TSNARE1: variants seen among roughly 807,000 people sequenced by gnomAD.
TSNARE1 encodes t-SNARE domain-containing protein 1.
Under a neutral mutation model 62.0 loss-of-function variants are expected in TSNARE1, and 49 were observed. The ratio of observed to expected loss-of-function variants is 0.79; its 90% confidence interval spans 0.63 to 1.00. TSNARE1 has a LOEUF of 1.00. TSNARE1 is among the 50% of genes least tolerant of loss of function. The pLI is 0.00. For synonymous variants in TSNARE1, 328 were observed against 294.4 expected (o/e 1.11, Z -1.17); for missense variants, 755 against 700.1 (o/e 1.08, Z -0.88).
At chr8:142,246,884 G>A (rs1193109228) in intron 12 of TSNARE1, among the ~76,000 whole-genome samples, 1 of 152,230 alleles carries the variant, frequency 6.6e-6, no homozygotes, top group Non-Finnish European at 1.5e-5. Context: ...AATGTGCGAG[G>A]CAGCGATGAG....
At chr8:142,276,374 C>A (rs1563807111) in intron 11 of TSNARE1, 1 of 985,462 alleles carries the variant, frequency 1.0e-6, no homozygotes, top group Non-Finnish European at 1.2e-6. Context: ...CGGATCCCCC[C>A]ACAATTGCCA....
intron 9 of TSNARE1, among the ~76,000 whole-genome samples, chr8:142,304,945 T>C (rs1031044853): frequency 2.6e-5 from 4 of 152,158 alleles, no homozygotes; most frequent in African/African-American, 9.7e-5. Flanking sequence ...TCCCGTGGCC[T>C]GGGTAAAGTC....
intron 11 of TSNARE1, among the ~76,000 whole-genome samples, chr8:142,282,667 T>C (rs1332383149): frequency 4.7e-4 from 52 of 109,944 alleles, no homozygotes; most frequent in African/African-American, 1.6e-3. Context: ...TGAGCGGAGG[T>C]GGGGCCACTG....
chr8:142,285,318 A>AGGTGGATGGATGGATGGGTG (rs1822524719), intron 10 of TSNARE1, among the ~76,000 whole-genome samples: 1 of 128,594 alleles, frequency 7.8e-6, no homozygotes, highest in Non-Finnish European at 1.6e-5. Context: ...ATGGATGGGT[A>AGGTGGATGGATGGATGGGTG]GGTGGATAGG....
At chr8:142,335,330 T>G (rs1831604851) in intron 4 of TSNARE1, among the ~76,000 whole-genome samples, 1 of 150,586 alleles carries the variant, frequency 6.6e-6, no homozygotes, top group Non-Finnish European at 1.5e-5. Context: ...GTCAACAAGG[T>G]GGGGTCACCA....
chr8:142,325,862 G>A (rs1021521941), intron 6 of TSNARE1, among the ~76,000 whole-genome samples: 7 of 151,890 alleles, frequency 4.6e-5, no homozygotes, highest in Non-Finnish European at 7.4e-5. Context: ...CAGCACCAGT[G>A]AAGGGGAGGG....
rs538905613 is a variant in TSNARE1, at chr8:142,301,012, G to A, written c.1132-368C>T. ...CCCTCCAGGTGCACACGTTCATACCGAACTGAAAACGCGACAACAGCGGTG... is the reference window on the plus strand; with the variant it reads ...CCCTCCAGGTGCACACGTTCATACCAAACTGAAAACGCGACAACAGCGGTG... On this transcript the variant is annotated intron_variant, in intron 9 of 13. Coordinates refer to ENST00000524325, the MANE Select transcript of TSNARE1 (RefSeq NM_145003.5). 3.4e-4 allele frequency among the ~76,000 whole-genome samples: 28 copies of A among 82,084 alleles called. 1 individual carries two copies. The highest frequency in any genetic ancestry group is 1.4e-3 in the African/African-American group (27 of 19,300). 53.9% of individuals were successfully genotyped at this position (82,084 alleles called of 152,430 possible).
At chr8:142,298,267 C>G (rs544407894) in intron 10 of TSNARE1, among the ~76,000 whole-genome samples, 1 of 152,242 alleles carries the variant, frequency 6.6e-6, no homozygotes, top group Non-Finnish European at 1.5e-5. Flanking sequence ...TGGGAAAGGC[C>G]GCTGCTCAGC....
chr8:142,329,703 G>A (rs72687388), intron 6 of TSNARE1, among the ~76,000 whole-genome samples: 31,111 of 152,210 alleles, frequency 0.2, 3,505 homozygotes, highest in South Asian at 0.31. Context: ...GCAAATACGC[G>A]TGGGTGTGAG....
intron 2 of TSNARE1, among the ~76,000 whole-genome samples, chr8:142,353,455 G>A (rs1834363870): frequency 6.6e-6 from 1 of 152,216 alleles, no homozygotes; most frequent in African/African-American, 2.4e-5. Context: ...GCATCCTAGA[G>A]GACCTGGCCT....
intron 9 of TSNARE1, among the ~76,000 whole-genome samples, chr8:142,309,252 T>C (rs1192690919): frequency 3.3e-5 from 5 of 152,152 alleles, no homozygotes; most frequent in African/African-American, 1.2e-4. Flanking sequence ...CCTACTCTTT[T>C]TTTTCATGCC....
chr8:142,283,071 G>A (rs867209482), intron 11 of TSNARE1, among the ~76,000 whole-genome samples: 4 of 148,616 alleles, frequency 2.7e-5, no homozygotes, highest in Admixed American at 1.3e-4. Context: ...AGTGAGCGGA[G>A]GTGGGGCCAG....
intron 2 of TSNARE1, 56 bp downstream of exon 2, chr8:142,354,581 A>C (rs1586987482): frequency 7.8e-7 from 1 of 1,275,400 alleles, no homozygotes; most frequent in Admixed American, 1.8e-5. Flanking sequence ...TGAGGATCCT[A>C]CCCTACCCAC....
rs1563750490 is a variant in TSNARE1 at position 142,217,378 on chromosome 8, G to GAAA, written c.*12-5066_*12-5065insTTT. Among the ~76,000 whole-genome samples, 150 of 139,278 alleles carry GAAA rather than the reference G, an allele frequency of 1.1e-3. 3 individuals are homozygous for GAAA. Among genetic ancestry groups the GAAA allele is most frequent in the African/African-American group, 3.7e-3 (129 of 34,738 alleles). The allele number at this position is 139,278 out of a possible 152,430, so 91.4% of individuals were successfully genotyped here. ...AAGAAAGAAAGAAAGAAAGAAAAAA[G>GAAA]GGAAAGAAAGAAAAAGCAAGCAAGC... On this transcript the variant is annotated intron_variant, in intron 13 of 13. Transcript: ENST00000524325.
chr8:142,227,605 G>A (rs892263608), intron 13 of TSNARE1, among the ~76,000 whole-genome samples: 15 of 152,232 alleles, frequency 9.9e-5, no homozygotes, highest in Non-Finnish European at 1.9e-4. Flanking sequence ...GCAAGACCTC[G>A]GCTGACCCAA....
chr8:142,286,220 C>G (rs940745123), intron 10 of TSNARE1, among the ~76,000 whole-genome samples: 1 of 152,192 alleles, frequency 6.6e-6, no homozygotes, highest in Non-Finnish European at 1.5e-5. Context: ...TGGGTTCCAG[C>G]CAAGTCCAGG....
At chr8:142,350,143 G>C (rs914064475) in intron 2 of TSNARE1, among the ~76,000 whole-genome samples, 1 of 121,966 alleles carries the variant, frequency 8.2e-6, no homozygotes, top group African/African-American at 3.0e-5. Flanking sequence ...AGGCAGGGCG[G>C]GCAGGGCTGG....
At chr8:142,217,914 G>GTTTGTGACC (rs1221436872) in intron 13 of TSNARE1, among the ~76,000 whole-genome samples, 1 of 93,818 alleles carries the variant, frequency 1.1e-5, no homozygotes, top group African/African-American at 4.7e-5. Flanking sequence ...TCAGGGCTCA[G>GTTTGTGACC]AGTGTGAACA....
At chr8:142,396,926 G>C (rs1837932413) in intron 1 of TSNARE1, among the ~76,000 whole-genome samples, 2 of 152,234 alleles carry the variant, frequency 1.3e-5, no homozygotes, top group African/African-American at 4.8e-5. Context: ...TGACCAGGTA[G>C]AGCAAGCTCT....
Sources: allele counts gnomAD v4.1 joint callset (sites outside exome capture counted in the v4.1 genomes callset), GRCh38; gene constraint gnomAD v4.1.1; transcripts MANE v1.5; gene names NCBI Gene and HGNC (gene_info 2026-07-23, HGNC 2026-07-21).